The following ZNF547 variants were observed in gnomAD, a reference collection of about 807,000 sequenced individuals.
The protein encoded by ZNF547 is zinc finger protein 547.
In ZNF547, 4 loss-of-function variants were observed where a neutral mutation model predicts 7.7. The observed-to-expected ratio is 0.52, with a 90% CI of 0.26 to 1.20. The LOEUF (loss-of-function observed/expected upper bound fraction) is 1.20. Ranked by LOEUF, ZNF547 falls within the 50% of genes most tolerant of loss-of-function variation. ZNF547 has a pLI of 0.14. For missense variants in ZNF547, 449 were observed against 485.8 expected (o/e 0.92, Z 0.71); for synonymous variants, 166 against 166.2 (o/e 1.00, Z 0.01).
chr19:57,367,704 G>A (rs140475111), intron 1 of ZNF547, among the ~76,000 whole-genome samples: 1 of 152,192 alleles, frequency 6.6e-6, no homozygotes, highest in African/African-American at 2.4e-5. Flanking sequence ...GGTTTGAGAT[G>A]GTTTATATTC....
intron 1 of ZNF547, among the ~76,000 whole-genome samples, chr19:57,365,958 G>A (rs10423051): frequency 0.048 from 7,269 of 150,538 alleles, 537 homozygotes; most frequent in African/African-American, 0.17. Context: ...TCCACCTCCC[G>A]GGTTCAAGCA....
intron 3 of ZNF547, among the ~76,000 whole-genome samples, chr19:57,375,305 G>A (rs1258083686): frequency 5.9e-5 from 9 of 151,812 alleles, no homozygotes; most frequent in Non-Finnish European, 1.3e-4. Flanking sequence ...AGCTGAGATC[G>A]TGCCACTGCA....
At position 57,378,225 on chromosome 19, in the gene ZNF547, C is replaced by T. The variant is rs372760870; in HGVS notation, c.*40C>T. ...CAGTGGATATGGGAAAGCCTTCAGTCACCAACATATTGTGGCTGGACAGCA... is the reference window on the plus strand; with the variant it reads ...CAGTGGATATGGGAAAGCCTTCAGTTACCAACATATTGTGGCTGGACAGCA... On this transcript the variant is annotated 3_prime_UTR_variant, in exon 4 of 4. Coordinates refer to ENST00000282282, the MANE Select transcript of ZNF547 (RefSeq NM_173631.4). The T allele has an allele frequency of 4.3e-5, 67 of 1,553,126 alleles. No individual in the cohort carries two copies. Among genetic ancestry groups the T allele is most frequent in the Non-Finnish European group, 5.5e-5 (63 of 1,142,134 alleles).
chr19:57,364,250 A>ATT (rs112859190), intron 1 of ZNF547: 120 of 147,368 alleles, frequency 8.1e-4, no homozygotes, highest in African/African-American at 2.7e-3. Context: ...GTGAAGGGTC[A>ATT]TTTTTTTTTT....
At position 57,378,678 on chromosome 19, in the gene ZNF547, A is replaced by G; in HGVS notation, c.*493A>G. 2.7e-6 allele frequency: 1 copy of G among 375,306 alleles called. No individual in the cohort carries two copies. Among genetic ancestry groups the G allele is most frequent in the South Asian group, 2.0e-5 (1 of 50,278 alleles). The allele number at this position is 375,306 out of a possible 1,614,324, so 23.2% of individuals were successfully genotyped here. On this transcript the variant is annotated 3_prime_UTR_variant, in exon 4 of 4. Coordinates refer to ENST00000282282, the MANE Select transcript of ZNF547 (RefSeq NM_173631.4). Reference sequence around the variant, plus strand: ...TGATTTAGCACTGAGAACTAGTATTATATGGTTTTTAAAAAACAATGGTGA... The same window carrying G: ...TGATTTAGCACTGAGAACTAGTATTGTATGGTTTTTAAAAAACAATGGTGA...
intron 2 of ZNF547, 75 bp from the exon 3 acceptor site, chr19:57,371,707 T>C: frequency 5.2e-6 from 8 of 1,532,174 alleles, no homozygotes; most frequent in South Asian, 2.6e-5. Flanking sequence ...TAAATATAAG[T>C]AGAAAATAAA....
rs777126015 is a variant in ZNF547, at chr19:57,377,399, G to A, written c.423G>A (p.Pro141=). 25 of 1,614,108 alleles carry A rather than the reference G, an allele frequency of 1.5e-5. No homozygotes were observed. The highest frequency in any genetic ancestry group is 4.0e-5 in the African/African-American group (3 of 74,944). The part of the protein sequence containing the change: ...EKLSRGDGGR[P]TFVKNHRVHM... ...TTTCTAGAGGGGATGGAGGAAGACCGACATTTGTGAAGAACCACAGAGTTC... is the reference window on the plus strand; with the variant it reads ...TTTCTAGAGGGGATGGAGGAAGACCAACATTTGTGAAGAACCACAGAGTTC... Residue 141 remains proline, a synonymous_variant, in exon 4 of 4, where the codon CCG becomes CCA. Coordinates refer to ENST00000282282, the MANE Select transcript of ZNF547 (RefSeq NM_173631.4).
In ZNF547 at chr19:57,378,795, T is replaced by G. The variant is rs771508006; in HGVS notation, c.*610T>G. ...TAACATTGTTGAGCAAAGAATATCC[T>G]GAACTCTTTATCTTGTAAAATGAAA... On this transcript the variant is annotated 3_prime_UTR_variant, in exon 4 of 4. Coordinates refer to ENST00000282282, the MANE Select transcript of ZNF547 (RefSeq NM_173631.4). 2.0e-5 allele frequency: 9 copies of G among 448,294 alleles called. No homozygotes were observed. The highest frequency in any genetic ancestry group is 5.2e-5 in the Admixed American group (2 of 38,224). The allele number at this position is 448,294 out of a possible 1,614,324, so 27.8% of individuals were successfully genotyped here.
chr19:57,367,612 C>A (rs539421661), intron 1 of ZNF547, among the ~76,000 whole-genome samples: 1 of 152,194 alleles, frequency 6.6e-6, no homozygotes, highest in South Asian at 2.1e-4. Flanking sequence ...AGGCGCAGAC[C>A]TGCCATAGGA....
At chr19:57,368,615 T>A in intron 2 of ZNF547, 36 bp downstream of exon 2, 1 of 1,611,910 alleles carries the variant, frequency 6.2e-7, no homozygotes, top group Non-Finnish European at 8.5e-7. Context: ...ACCTACCAGT[T>A]ATCTCATAGA....
Position 57,377,277 on chromosome 19 carries a change from C to T in ZNF547, c.301C>T (p.Arg101Cys), listed in dbSNP as rs766061812. 30 of 1,614,084 alleles carry T rather than the reference C, an allele frequency of 1.9e-5. No individual in the cohort carries two copies. The highest frequency in any genetic ancestry group is 1.0e-4 in the Admixed American group (6 of 60,004). The change falls in exon 4 of 4, where the codon CGT becomes TGT. Residue 101 changes from arginine to cysteine, a missense_variant. Coordinates refer to ENST00000282282, the MANE Select transcript of ZNF547 (RefSeq NM_173631.4). ...TAGCTCACTTCTGAAGGACATTCTG[C>T]GTCTGGCTGAGCATGACGGAACACA... ...TCSSLLKDILRLAEHDGTHPE... is the reference protein window; with the variant it reads ...TCSSLLKDILCLAEHDGTHPE...
intron 1 of ZNF547, among the ~76,000 whole-genome samples, chr19:57,365,548 GC>G (rs34563294): frequency 7.5e-5 from 9 of 119,340 alleles, no homozygotes; most frequent in African/African-American, 2.9e-4. Context: ...TGCTCTTGTT[GC>G]CCAGGCTGGA....
At chr19:57,370,825 A>T (rs1258531651) in intron 2 of ZNF547, 1 of 152,252 alleles carries the variant, frequency 6.6e-6, no homozygotes, top group Non-Finnish European at 1.5e-5. Context: ...AAAGTCACTC[A>T]TGCCACCTGG....
chr19:57,369,268 T>C (rs899850576), intron 2 of ZNF547, among the ~76,000 whole-genome samples: 21 of 152,030 alleles, frequency 1.4e-4, no homozygotes, highest in Non-Finnish European at 1.8e-4. Flanking sequence ...TTTTATGATG[T>C]AGAGAGTGAG....
rs867588796 is a variant in ZNF547 at position 57,377,442 on chromosome 19, T to C, written c.466T>C (p.Phe156Leu). Residue 156 changes from phenylalanine to leucine, a missense_variant, in exon 4 of 4, where the codon TTC becomes CTC. By Grantham distance (22) the Phe-to-Leu change is conservative. Coordinates refer to ENST00000282282, the MANE Select transcript of ZNF547 (RefSeq NM_173631.4). ...CAGAGTTCACATGGCAGGGAAGACC[T>C]TCTTGTGCAGTGAATGTGGGAAAGC... ...NHRVHMAGKT[F>L]LCSECGKAFS... The C allele has an allele frequency of 1.2e-6, 2 of 1,614,232 alleles. No individual in the cohort carries two copies.
chr19:57,368,489 G>A (rs952385769), intron 1 of ZNF547, 55 bp from the exon 2 acceptor site: 9 of 1,563,222 alleles, frequency 5.8e-6, no homozygotes, highest in Non-Finnish European at 7.9e-6. Flanking sequence ...GTCCAACTCT[G>A]CCTGTAAGAT....
intron 1 of ZNF547, chr19:57,364,586 C>A: frequency 1.8e-6 from 1 of 552,952 alleles, no homozygotes; most frequent in Non-Finnish European, 3.2e-6. Flanking sequence ...AGTAAAAATA[C>A]AAAAATTAGC....
intron 2 of ZNF547, 172 bp from the exon 3 acceptor site, chr19:57,371,610 T>A (rs1373824575): frequency 1.0e-6 from 1 of 1,002,326 alleles, no homozygotes; most frequent in Non-Finnish European, 1.4e-6. Context: ...AAGTTAGAGA[T>A]GGAGATGGTT....
intron 1 of ZNF547, chr19:57,364,465 G>GTATCATGAAAA: frequency 4.5e-6 from 1 of 220,656 alleles, no homozygotes; most frequent in Non-Finnish European, 9.1e-6. Flanking sequence ...GAGGGTGGCC[G>GTATCATGAAAA]GGCGTGGTGG....
Sources: allele counts gnomAD v4.1 joint callset (sites outside exome capture counted in the v4.1 genomes callset), GRCh38; gene constraint gnomAD v4.1.1; transcripts MANE v1.5; gene names NCBI Gene and HGNC (gene_info 2026-07-23, HGNC 2026-07-21).